CAST: variants seen among roughly 807,000 people sequenced by gnomAD.
The protein encoded by CAST is MIR583 host.
A neutral mutation model predicts 119.6 loss-of-function variants in CAST; 76 were observed. The ratio of observed to expected loss-of-function variants is 0.64; its 90% CI spans 0.53 to 0.77. The LOEUF (loss-of-function observed/expected upper bound fraction) is 0.77. CAST is among the 30% of genes least tolerant of loss of function. The probability of loss-of-function intolerance (pLI) is 0.00; values close to 1 mark genes in which losing one functional copy is unlikely to be tolerated. For missense variants in CAST, 953 were observed against 946.5 expected, an observed-to-expected ratio of 1.01 and a Z score of -0.09; for synonymous variants, 319 against 331.6, an observed-to-expected ratio of 0.96 and a Z score of 0.41.
the CAST span, among the ~76,000 whole-genome samples, chr5:96,183,092 TCG>T: frequency 1.1e-4 from 17 of 151,250 alleles, no homozygotes; most frequent in South Asian, 4.2e-4. Flanking sequence ...TGAGCCGAGA[TCG>T]CGCGCCACTG....
At position 96,729,056 on chromosome 5, in the gene CAST, G is replaced by A. The variant is rs1281482422; in HGVS notation, c.379-97G>A. On this transcript the variant is annotated intron_variant, in intron 6 of 31. Coordinates refer to ENST00000675179, the MANE Select transcript of CAST (RefSeq NM_001750.7). ...CCTAAGCGGGCTTTTCCTGAAAAAG[G>A]CAGAATGTTTTAGTTGGAATTTTGT... The A allele has an allele frequency of 1.2e-5, 9 of 777,256 alleles. No individual in the cohort carries two copies. In the East Asian group the frequency reaches 1.8e-4, roughly 16 times the overall value. The allele number at this position is 777,256 out of a possible 1,614,324, so 48.1% of individuals were successfully genotyped here. A position where few individuals can be genotyped will look rare whatever the true frequency, so the allele number is the denominator to read the frequency against.
the CAST span, among the ~76,000 whole-genome samples, chr5:96,439,380 A>AAAATG: frequency 1.1e-4 from 17 of 152,328 alleles, no homozygotes; most frequent in African/African-American, 3.8e-4. Context: ...CAGACCCAAG[A>AAAATG]AAATGAAATG....
chr5:96,218,744 C>A, the CAST span, among the ~76,000 whole-genome samples: 1 of 152,280 alleles, frequency 6.6e-6, no homozygotes, highest in East Asian at 1.9e-4. Context: ...ATATTTCAGA[C>A]GAGCTGGATA....
the CAST span, among the ~76,000 whole-genome samples, chr5:96,459,367 T>A: frequency 6.7e-6 from 1 of 148,956 alleles, no homozygotes; most frequent in African/African-American, 2.5e-5. Context: ...CAGGAGCATT[T>A]TGCATGCCAA....
chr5:96,213,615 A>G, the CAST span: 1 of 152,078 alleles, frequency 6.6e-6, no homozygotes, highest in African/African-American at 2.4e-5. Flanking sequence ...GAGATCCTGT[A>G]TGTCCAAAAA....
the CAST span, among the ~76,000 whole-genome samples, chr5:96,112,072 T>G: frequency 6.6e-6 from 1 of 151,566 alleles, no homozygotes; most frequent in African/African-American, 2.4e-5. Context: ...AAGCTTCTTT[T>G]ATACAATAAG....
At chr5:96,496,836 C>CT in the CAST span, among the ~76,000 whole-genome samples, 15 of 149,804 alleles carry the variant, frequency 1.0e-4, no homozygotes, top group Admixed American at 5.3e-4. Flanking sequence ...CACTGTTTTG[C>CT]TTTTTTTTTA....
chr5:96,020,481 A>G, the CAST span, among the ~76,000 whole-genome samples: 2 of 152,166 alleles, frequency 1.3e-5, no homozygotes, highest in Admixed American at 6.5e-5. Flanking sequence ...CTTCATCTGT[A>G]CTTATAGCTG....
the CAST span, among the ~76,000 whole-genome samples, chr5:96,452,920 G>A: frequency 1.6e-5 from 2 of 123,182 alleles, no homozygotes; most frequent in African/African-American, 6.7e-5. Context: ...ACTGCAGTCC[G>A]CAGTCCGGCC....
the CAST span, chr5:96,395,120 T>A: frequency 9.9e-7 from 1 of 1,009,472 alleles, no homozygotes; most frequent in Non-Finnish European, 1.6e-6. Context: ...TGTTAAAATC[T>A]CATTTTAAGA....
At chr5:96,674,034 G>A (rs1750422251) in intron 1 of CAST, among the ~76,000 whole-genome samples, 1 of 152,112 alleles carries the variant, frequency 6.6e-6, no homozygotes, top group South Asian at 2.1e-4. Flanking sequence ...TATCGAGAAA[G>A]GATTTCAGCC....
chr5:96,677,511 A>G, intron 2 of CAST, among the ~76,000 whole-genome samples: 1 of 152,266 alleles, frequency 6.6e-6, no homozygotes. Flanking sequence ...CCATGTTATA[A>G]GAGGCAGACT....
At chr5:96,452,874 C>T in the CAST span, among the ~76,000 whole-genome samples, 3,606 of 130,674 alleles carry the variant, frequency 0.028, 164 homozygotes, top group African/African-American at 0.098. Flanking sequence ...GGCGTGAACC[C>T]GGGAAGCGGA....
chr5:96,408,422 C>T, the CAST span: 1 of 807,498 alleles, frequency 1.2e-6, no homozygotes, highest in Non-Finnish European at 2.1e-6. Flanking sequence ...TCTGCTATGA[C>T]CAGGAAACTC....
the CAST span, among the ~76,000 whole-genome samples, chr5:96,101,571 C>T: frequency 6.6e-6 from 1 of 152,228 alleles, no homozygotes; most frequent in South Asian, 2.1e-4. Context: ...TCCCGATTCT[C>T]CCACCACCTG....
intron 10 of CAST, 75 bp downstream of exon 10, chr5:96,736,315 G>A (rs1252957383): frequency 4.5e-6 from 4 of 898,486 alleles, no homozygotes; most frequent in Non-Finnish European, 6.9e-6. Context: ...CTGATTTCTT[G>A]TGGGCAAATA....
intron 1 of CAST, among the ~76,000 whole-genome samples, chr5:96,650,220 A>G (rs1358735062): frequency 2.6e-5 from 4 of 152,236 alleles, no homozygotes; most frequent in African/African-American, 9.6e-5. Flanking sequence ...ATGGACTAGA[A>G]GTACGAGGGA....
chr5:96,050,957 A>G, the CAST span, among the ~76,000 whole-genome samples: 13 of 152,158 alleles, frequency 8.5e-5, no homozygotes, highest in African/African-American at 3.1e-4. Context: ...TCTTTGGACA[A>G]TGGGAACACA....
chr5:96,093,857 G>A, the CAST span, among the ~76,000 whole-genome samples: 1 of 152,206 alleles, frequency 6.6e-6, no homozygotes, highest in Non-Finnish European at 1.5e-5. Context: ...ACTATTCAAA[G>A]TCCTAGGCTT....
Sources: allele counts gnomAD v4.1 joint callset (sites outside exome capture counted in the v4.1 genomes callset), GRCh38; gene constraint gnomAD v4.1.1; transcripts MANE v1.5; gene names NCBI Gene and HGNC (gene_info 2026-07-23, HGNC 2026-07-21).